VAC14: variants seen among roughly 807,000 people sequenced by gnomAD.
VAC14 encodes the protein protein VAC14 homolog.
Under a neutral mutation model 85.3 loss-of-function variants are expected in VAC14, and 47 were observed. That is an observed-to-expected ratio of 0.55 (90% CI 0.44 to 0.70). VAC14 has a LOEUF of 0.70. Among genes scored for constraint, VAC14 ranks in the 30% least tolerant of loss-of-function variants. VAC14 has a pLI of 0.00. For missense variants in VAC14, 861 were observed against 1,004.3 expected, an observed-to-expected ratio of 0.86 and a Z score of 1.93; for synonymous variants, 447 against 430.5, an observed-to-expected ratio of 1.04 and a Z score of -0.47.
chr16:70,773,771 TA>T (rs778010267), intron 9 of VAC14, among the ~76,000 whole-genome samples: 189 of 151,960 alleles, frequency 1.2e-3, no homozygotes, highest in Middle Eastern at 3.4e-3. Context: ...TTATTATTAT[TA>T]TTTTTTTTTG....
At chr16:70,786,510 T>G in intron 1 of VAC14, 145 bp from the exon 2 acceptor site, 1 of 1,058,068 alleles carries the variant, frequency 9.5e-7, no homozygotes, top group South Asian at 1.8e-5. Flanking sequence ...CTCAGTTCTG[T>G]TGCTGGCTGA....
chr16:70,729,986 C>T (rs548160182), intron 14 of VAC14, among the ~76,000 whole-genome samples: 2 of 152,118 alleles, frequency 1.3e-5, no homozygotes, highest in South Asian at 4.2e-4. Flanking sequence ...CCCCTCCTCA[C>T]TCCCTGCCAC....
intron 14 of VAC14, among the ~76,000 whole-genome samples, chr16:70,729,898 G>C (rs995083898): frequency 6.6e-6 from 1 of 152,002 alleles, no homozygotes; most frequent in African/African-American, 2.4e-5. Context: ...TACCCCCTTG[G>C]AGAGCCTGGT....
chr16:70,751,394 T>C lies in VAC14; in HGVS notation c.1372-6815A>G, dbSNP rs559651439. On this transcript the variant is annotated intron_variant, in intron 12 of 18. Transcript: ENST00000261776. ...GCCAGTGCAGGCCACTGCCAAAGGC[T>C]ATCTGATGCCTCTGCCTGGAGCGGT... 3.2e-4 allele frequency among the ~76,000 whole-genome samples: 48 copies of C among 152,364 alleles called. No individual in the cohort carries two copies. In the South Asian group the frequency reaches 3.7e-3, roughly 12 times the overall value.
chr16:70,739,621 G>A (rs2030061592), intron 13 of VAC14, among the ~76,000 whole-genome samples: 1 of 152,162 alleles, frequency 6.6e-6, no homozygotes, highest in East Asian at 1.9e-4. Context: ...ACACAGTGCT[G>A]GCCTCTCAGA....
At chr16:70,766,377 T>C (rs1452267024) in intron 10 of VAC14, 2 of 418,922 alleles carry the variant, frequency 4.8e-6, no homozygotes, top group East Asian at 7.3e-5. Flanking sequence ...AACGGCAGCA[T>C]ATCACGGAGC....
chr16:70,688,037 T>A lies in VAC14; in HGVS notation c.2240A>T (p.Asp747Val). The change falls in exon 19 of 19, where the codon GAC (aspartate) becomes GTC (valine). Residue 747 changes from aspartate (D) to valine (V), a missense_variant. Transcript: ENST00000261776. ...KSQKADSPSI[D>V]YAELLQHFEK... ...AAAGTGCTGCAGCAGCTCTGCGTAG[T>A]CGATGCTAGGGGAGTCAGCTTTCTG... The A allele has an allele frequency of 6.2e-7, 1 of 1,604,606 alleles. No homozygotes were observed. The highest frequency in any genetic ancestry group is 8.5e-7 in the Non-Finnish European group (1 of 1,174,516).
In VAC14 at chr16:70,687,774, G is replaced by T; in HGVS notation, c.*154C>A. 1 of 790,494 alleles carries T rather than the reference G, an allele frequency of 1.3e-6. No individual in the cohort carries two copies. The highest frequency in any genetic ancestry group is 1.7e-6 in the Non-Finnish European group (1 of 574,354). 49.0% of individuals were successfully genotyped at this position (790,494 alleles called of 1,614,324 possible). On this transcript the variant is annotated 3_prime_UTR_variant, in exon 19 of 19. Coordinates refer to ENST00000261776, the MANE Select transcript of VAC14 (RefSeq NM_018052.5). The stretch of plus-strand genomic sequence containing the variant: ...GGGGACTGGACTCTGAGAGGAGCTT[G>T]GGCAGACACAGCAGCCTCCGGCCCC...
At chr16:70,726,029 G>T (rs777556405) in intron 14 of VAC14, among the ~76,000 whole-genome samples, 1 of 152,272 alleles carries the variant, frequency 6.6e-6, no homozygotes. Context: ...CAGGCAGAGC[G>T]ACTGTCTTCA....
rs1220659364 is a variant in VAC14, at chr16:70,786,198, T to C, written c.255+17A>G. 1.2e-6 allele frequency: 2 copies of C among 1,612,850 alleles called. No homozygotes were observed. Among genetic ancestry groups the C allele is most frequent in the South Asian group, 1.1e-5 (1 of 90,898 alleles). ...AGGCCAGGACTGGTATGTCTGTCCC[T>C]TGGGTGAAAGGCCCACCTTGCCCAG... On this transcript the variant is annotated intron_variant, in intron 2 of 18. Coordinates refer to ENST00000261776, the MANE Select transcript of VAC14 (RefSeq NM_018052.5).
intron 14 of VAC14, among the ~76,000 whole-genome samples, chr16:70,713,496 G>C (rs1221436514): frequency 2.0e-5 from 3 of 152,190 alleles, no homozygotes; most frequent in Non-Finnish European, 4.4e-5. Context: ...CTTCCCCTGG[G>C]GGTAGGGAAG....
intron 16 of VAC14, 183 bp from the exon 17 acceptor site, chr16:70,695,806 A>C: frequency 1.8e-6 from 1 of 567,412 alleles, no homozygotes; most frequent in Non-Finnish European, 3.2e-6. Flanking sequence ...CCTAAATGGA[A>C]CTCCCCTGTT....
chr16:70,735,261 C>G (rs947472307), intron 13 of VAC14, among the ~76,000 whole-genome samples: 1 of 152,058 alleles, frequency 6.6e-6, no homozygotes, highest in African/African-American at 2.4e-5. Context: ...TGGGAGCCAT[C>G]ACTTTCTCCC....
At chr16:70,755,417 T>TCCA (rs2031757396) in intron 12 of VAC14, among the ~76,000 whole-genome samples, 1 of 152,244 alleles carries the variant, frequency 6.6e-6, no homozygotes, top group Non-Finnish European at 1.5e-5. Context: ...AGGCAGTGCC[T>TCCA]CCACCCTGGG....
chr16:70,754,106 T>C (rs148111876), intron 12 of VAC14, among the ~76,000 whole-genome samples: 34 of 152,278 alleles, frequency 2.2e-4, no homozygotes, highest in East Asian at 1.7e-3. Context: ...GCAAGGAACA[T>C]GGAGAGGTAA....
intron 12 of VAC14, among the ~76,000 whole-genome samples, chr16:70,749,569 G>A (rs780149171): frequency 6.6e-6 from 1 of 152,092 alleles, no homozygotes; most frequent in Admixed American, 6.6e-5. Flanking sequence ...TGTGCGCACA[G>A]ACACACACAC....
intron 12 of VAC14, chr16:70,755,269 C>A: frequency 3.2e-6 from 1 of 315,732 alleles, no homozygotes; most frequent in Non-Finnish European, 6.3e-6. Context: ...CAGCCAGGGA[C>A]AGCCCATGGG....
intron 1 of VAC14, among the ~76,000 whole-genome samples, chr16:70,789,551 G>T (rs762635708): frequency 2.0e-5 from 3 of 152,202 alleles, no homozygotes; most frequent in Non-Finnish European, 2.9e-5. Flanking sequence ...CACGCGGGAG[G>T]CCCGGGTTCG....
chr16:70,741,528 CT>C (rs777909753), intron 13 of VAC14, among the ~76,000 whole-genome samples: 96 of 152,344 alleles, frequency 6.3e-4, no homozygotes, highest in Admixed American at 1.2e-3. Context: ...ACACATGGAT[CT>C]GCTTGGAGCC....
Sources: allele counts gnomAD v4.1 joint callset (sites outside exome capture counted in the v4.1 genomes callset), GRCh38; gene constraint gnomAD v4.1.1; transcripts MANE v1.5; gene names NCBI Gene and HGNC (gene_info 2026-07-23, HGNC 2026-07-21).